Variants in FGFR1 observed in about 807,000 individuals in gnomAD.
FGFR1 encodes fibroblast growth factor receptor 1.
A neutral mutation model predicts 93.7 loss-of-function variants in FGFR1; 18 were observed. That is an observed-to-expected ratio of 0.19 (90% CI 0.13 to 0.28). The LOEUF is 0.28. Ranked by LOEUF, FGFR1 falls within the 10% of genes least tolerant of loss-of-function variation. The pLI, the probability that FGFR1 is intolerant of heterozygous loss-of-function variation, is 1.00. For missense variants in FGFR1, 731 were observed against 1,080.4 expected (o/e 0.68, Z 4.53); for synonymous variants, 448 against 429.3 (o/e 1.04, Z -0.54).
chr8:38,418,045 T>C, intron 10 of FGFR1, 54 bp from the exon 11 acceptor site: 2 of 1,612,966 alleles, frequency 1.2e-6, no homozygotes, highest in Non-Finnish European at 1.7e-6. Flanking sequence ...GTTCAAACCT[T>C]GAGAGGCACC....
chr8:38,436,463 G>A (rs892068852), intron 2 of FGFR1, among the ~76,000 whole-genome samples: 5 of 152,170 alleles, frequency 3.3e-5, no homozygotes, highest in African/African-American at 1.2e-4. Flanking sequence ...ACAGGAGTGG[G>A]AAGGTCAGGG....
chr8:38,449,665 A>ATTCT (rs1563597417), intron 2 of FGFR1, among the ~76,000 whole-genome samples: 2 of 151,598 alleles, frequency 1.3e-5, no homozygotes, highest in Non-Finnish European at 2.9e-5. Context: ...CCCCCACCCC[A>ATTCT]CCTTTTACAC....
intron 1 of FGFR1, among the ~76,000 whole-genome samples, chr8:38,467,121 C>T (rs1019742204): frequency 6.6e-6 from 1 of 152,052 alleles, no homozygotes; most frequent in African/African-American, 2.4e-5. Flanking sequence ...GACAAAAACC[C>T]TCATCCCTTC....
intron 5 of FGFR1, 140 bp downstream of exon 5, chr8:38,427,781 T>G: frequency 1.1e-6 from 1 of 875,370 alleles, no homozygotes; most frequent in Non-Finnish European, 1.8e-6. Context: ...ATTTGCATTT[T>G]TTTGTATTTA....
chr8:38,457,757 G>A lies in FGFR1; in HGVS notation c.-88-223C>T, dbSNP rs574559491. ...TCCCAGCACTTTGGGAGGCTGAGGC[G>A]GGAGGATCACTTGAGGCCAGGAGTT... is the stretch of plus-strand genomic sequence containing the variant. On this transcript the variant is annotated intron_variant, in intron 1 of 17. Coordinates refer to ENST00000447712, the MANE Select transcript of FGFR1 (RefSeq NM_023110.3). 5.3e-5 allele frequency among the ~76,000 whole-genome samples: 8 copies of A among 152,218 alleles called. No individual in the cohort carries two copies. In the South Asian group the frequency reaches 8.3e-4, roughly 16 times the overall value.
Position 38,423,530 on chromosome 8 carries a change from C to T in FGFR1, c.936+979G>A, listed in dbSNP as rs530222500. On this transcript the variant is annotated intron_variant, in intron 7 of 17. Coordinates refer to ENST00000447712, the MANE Select transcript of FGFR1 (RefSeq NM_023110.3). ...AGAGATGGGGTTTCACCATGTTGGC[C>T]GGGCTGGTCTCAAACTCCTGACCTC... The T allele has an allele frequency of 1.7e-4, 44 of 255,872 alleles. 1 individual carries two copies. The East Asian group carries it at 5.9e-3, about 34-fold the overall frequency. 15.9% of individuals were successfully genotyped at this position (255,872 alleles called of 1,614,324 possible). A position where few individuals can be genotyped will look rare whatever the true frequency, so the allele number is the denominator to read the frequency against.
At chr8:38,421,097 C>A (rs986535246) in intron 8 of FGFR1, among the ~76,000 whole-genome samples, 1 of 152,162 alleles carries the variant, frequency 6.6e-6, no homozygotes, top group African/African-American at 2.4e-5. Flanking sequence ...CAGGACATTC[C>A]GAGAGACAGC....
intron 2 of FGFR1, among the ~76,000 whole-genome samples, chr8:38,441,842 A>T (rs1272660587): frequency 6.6e-6 from 1 of 152,146 alleles, no homozygotes; most frequent in African/African-American, 2.4e-5. Context: ...GGGTCAATTA[A>T]CATTTCCTGA....
chr8:38,441,603 T>C (rs1179468179), intron 2 of FGFR1, among the ~76,000 whole-genome samples: 2 of 152,238 alleles, frequency 1.3e-5, no homozygotes, highest in East Asian at 1.9e-4. Context: ...AAGAAAGCAT[T>C]GCTCTGGAAA....
chr8:38,432,411 T>A (rs1823482534), intron 2 of FGFR1, among the ~76,000 whole-genome samples: 1 of 97,304 alleles, frequency 1.0e-5, no homozygotes, highest in Non-Finnish European at 2.3e-5. Context: ...TCGGGATAAA[T>A]TTTTTTTTTT....
Position 38,417,266 on chromosome 8 carries a change from TC to T in FGFR1, c.1663+39del, listed in dbSNP as rs769116251. The T allele has an allele frequency of 5.3e-6, 8 of 1,514,656 alleles. No individual in the cohort carries two copies. The East Asian group carries it at 1.1e-4, about 21-fold the overall frequency. The allele number at this position is 1,514,656 out of a possible 1,614,324, so 93.8% of individuals were successfully genotyped here. On this transcript the variant is annotated intron_variant, in intron 12 of 17. Coordinates refer to ENST00000447712, the MANE Select transcript of FGFR1 (RefSeq NM_023110.3). Reference sequence around the variant, plus strand: ...GACTGATACCCCAGCTCAGATCTTCTCCCCGCTGGGCAGGGAAAGCCAGTCT... The same window carrying T: ...GACTGATACCCCAGCTCAGATCTTCTCCCGCTGGGCAGGGAAAGCCAGTCT...
chr8:38,428,906 G>A (rs1586359643), intron 3 of FGFR1: 1 of 296,934 alleles, frequency 3.4e-6, no homozygotes, highest in East Asian at 9.1e-5. Context: ...ACTAAGGTTT[G>A]GGGGCTGCCC....
At chr8:38,451,301 G>A (rs1034929267) in intron 2 of FGFR1, among the ~76,000 whole-genome samples, 4 of 152,032 alleles carry the variant, frequency 2.6e-5, no homozygotes, top group Non-Finnish European at 4.4e-5. Context: ...TGGGACACAG[G>A]ACCACAGTCC....
In FGFR1 at chr8:38,424,423, C is replaced by CT; in HGVS notation, c.936+85dup. 6.8e-7 allele frequency: 1 copy of CT among 1,474,986 alleles called. No individual in the cohort carries two copies. The highest frequency in any genetic ancestry group is 9.5e-7 in the Non-Finnish European group (1 of 1,054,678). 91.4% of individuals were successfully genotyped at this position (1,474,986 alleles called of 1,614,324 possible). On this transcript the variant is annotated intron_variant, in intron 7 of 17. Coordinates refer to ENST00000447712, the MANE Select transcript of FGFR1 (RefSeq NM_023110.3). The surrounding 1 kb of genome is among the most constrained non-coding windows in gnomAD (Gnocchi z 4.3). ...GAGGAATGATCCCATTCGGGGGCAACTGAGCCTGCCCACAGGAACTTGAGC... is the reference window on the plus strand; with the variant it reads ...GAGGAATGATCCCATTCGGGGGCAACTTGAGCCTGCCCACAGGAACTTGAGC...
At position 38,426,781 on chromosome 8, in the gene FGFR1, T is replaced by C. The variant is rs1456694445; in HGVS notation, c.622-536A>G. ...ACGCTATCTTGCAGCATTTAAAGCA[T>C]GGTGTCTTGCATGTAGTGAGTGCAT... On this transcript the variant is annotated intron_variant, in intron 5 of 17. Coordinates refer to ENST00000447712, the MANE Select transcript of FGFR1 (RefSeq NM_023110.3). The surrounding 1 kb of genome is among the most constrained non-coding windows in gnomAD (Gnocchi z 4.1). Among the ~76,000 whole-genome samples the C allele has an allele frequency of 6.6e-6, 1 of 152,186 alleles. No individual in the cohort carries two copies. Among genetic ancestry groups the C allele is most frequent in the Non-Finnish European group, 1.5e-5 (1 of 68,030 alleles).
At chr8:38,447,098 A>AACAC (rs57917657) in intron 2 of FGFR1, among the ~76,000 whole-genome samples, 3,046 of 133,272 alleles carry the variant, frequency 0.023, 39 homozygotes, top group South Asian at 0.035. Flanking sequence ...ACTGCAAGCA[A>AACAC]ACACACACAC....
chr8:38,460,366 AAC>A (rs1282224950), intron 1 of FGFR1, among the ~76,000 whole-genome samples: 4 of 152,146 alleles, frequency 2.6e-5, no homozygotes, highest in Admixed American at 6.5e-5. Context: ...GTCACCCAGA[AAC>A]GCACACCTGA....
At chr8:38,462,478 T>C (rs1034972122) in intron 1 of FGFR1, among the ~76,000 whole-genome samples, 5 of 151,954 alleles carry the variant, frequency 3.3e-5, no homozygotes, top group South Asian at 2.1e-4. Context: ...CACTCCAGCC[T>C]GGCAACAAAG....
rs2150757578 is a variant in FGFR1, at chr8:38,421,903, C to T, written c.975G>A (p.Val325=). The T allele has an allele frequency of 6.2e-7, 1 of 1,614,194 alleles. No homozygotes were observed. Residue 325 remains valine (V), a synonymous_variant, in exon 8 of 18, where the codon GTG becomes GTA. Coordinates refer to ENST00000447712, the MANE Select transcript of FGFR1 (RefSeq NM_023110.3). ...CAAAGGAGACATTTCTTAAGTGAAG[C>T]ACCTCCATCTCTTTGTCGGTGGTAT... The part of the protein sequence containing the change: ...GVNTTDKEME[V]LHLRNVSFED...
Sources: gnomAD v4.1 joint callset for allele counts (sites outside exome capture counted in the v4.1 genomes callset) on GRCh38, gnomAD v4.1.1 for gene constraint, Gnocchi (gnomAD v3.1) non-coding constraint, MANE v1.5 for transcripts, NCBI Gene and HGNC (gene_info 2026-07-23, HGNC 2026-07-21) for gene names.